HSPH1: variants seen among roughly 807,000 people sequenced by gnomAD.
HSPH1 encodes the protein heat shock protein family H (Hsp110) member 1.
In HSPH1, 40 loss-of-function variants were observed where a neutral mutation model predicts 100.0. That is an observed-to-expected ratio of 0.40 (90% CI 0.31 to 0.52). HSPH1 has a LOEUF of 0.52. Ranked by LOEUF, HSPH1 falls within the 20% of genes least tolerant of loss-of-function variation. HSPH1 has a pLI of 0.54. For missense variants in HSPH1, 876 were observed against 1,015.1 expected, an observed-to-expected ratio of 0.86 and a Z score of 1.86; for synonymous variants, 403 against 344.0, an observed-to-expected ratio of 1.17 and a Z score of -1.90.
In HSPH1 at chr13:31,161,867, CG is replaced by C; in HGVS notation, c.-286del. On this transcript the variant is annotated 5_prime_UTR_variant, in exon 1 of 18. Coordinates refer to ENST00000320027, the MANE Select transcript of HSPH1 (RefSeq NM_006644.4). ...TCGGGTTGCCTGCCTCACTCTGCCGCGGCTCGCACACCGGCGCCGGCGCTGA... is the reference window on the plus strand; with the variant it reads ...TCGGGTTGCCTGCCTCACTCTGCCGCGCTCGCACACCGGCGCCGGCGCTGA... The C allele has an allele frequency of 6.7e-7, 1 of 1,484,084 alleles. No homozygotes were observed. Among genetic ancestry groups the C allele is most frequent in the Non-Finnish European group, 8.9e-7 (1 of 1,118,942 alleles). The allele number at this position is 1,484,084 out of a possible 1,614,324, so 91.9% of individuals were successfully genotyped here.
At chr13:31,159,677 T>C (rs1255356318) in intron 1 of HSPH1, among the ~76,000 whole-genome samples, 1 of 152,086 alleles carries the variant, frequency 6.6e-6, no homozygotes, top group Admixed American at 6.5e-5. Flanking sequence ...ATAATCTAAT[T>C]TTGGGTGAGT....
At chr13:31,161,425 C>A in intron 1 of HSPH1, 51 bp downstream of exon 1, 1 of 1,602,380 alleles carries the variant, frequency 6.2e-7, no homozygotes, top group Non-Finnish European at 8.5e-7. Context: ...TGGGTCCCCA[C>A]ACTAAGGGCC....
Position 31,139,080 on chromosome 13 carries a change from T to A in HSPH1, c.2008A>T (p.Thr670Ser). ...QDHQNFLRLL[T>S]ETEDWLYEEG... is the part of the protein sequence containing the mutation. Reference sequence around the variant, plus strand: ...TCATACAGCCAGTCTTCAGTTTCTGTGAGGAGTCTCAAAAAATTTTGATGA... The same window carrying A: ...TCATACAGCCAGTCTTCAGTTTCTGAGAGGAGTCTCAAAAAATTTTGATGA... The change falls in exon 15 of 18, where the codon ACA becomes TCA. Residue 670 changes from threonine (T) to serine (S), a missense_variant. Physicochemically the swap from Thr to Ser is moderately conservative, Grantham distance 58 (BLOSUM62 1). Coordinates refer to ENST00000320027, the MANE Select transcript of HSPH1 (RefSeq NM_006644.4). 1 of 1,612,416 alleles carries A rather than the reference T, an allele frequency of 6.2e-7. No individual in the cohort carries two copies. The highest frequency in any genetic ancestry group is 1.7e-4 in the Middle Eastern group (1 of 6,042).
At position 31,136,141 on chromosome 13, in the gene HSPH1, T is replaced by C. The variant is rs895580599; in HGVS notation, c.*1177A>G. The C allele has an allele frequency of 5.3e-5, 8 of 152,200 alleles. No homozygotes were observed. The highest frequency in any genetic ancestry group is 1.9e-4 in the African/African-American group (8 of 41,440). 9.4% of individuals were successfully genotyped at this position (152,200 alleles called of 1,614,324 possible). A position where few individuals can be genotyped will look rare whatever the true frequency, so the allele number is the denominator to read the frequency against. ...GTGCTTACAAAACAACCAGATAGATTCATTGCAGCATTATTTAGAACAGCA... is the reference window on the plus strand; with the variant it reads ...GTGCTTACAAAACAACCAGATAGATCCATTGCAGCATTATTTAGAACAGCA... On this transcript the variant is annotated 3_prime_UTR_variant, in exon 18 of 18. Transcript: ENST00000320027.
rs1472449580 is a variant in HSPH1 at position 31,136,927 on chromosome 13, T to C, written c.*391A>G. The C allele has an allele frequency of 9.8e-6, 3 of 304,648 alleles. No homozygotes were observed. Among genetic ancestry groups the C allele is most frequent in the African/African-American group, 4.6e-5 (2 of 43,400 alleles). The allele number at this position is 304,648 out of a possible 1,614,324, so 18.9% of individuals were successfully genotyped here. ...TTATAAACATCCACACCCACACACA[T>C]GCTGAATGGAGAGCAAAATGCAAGA... is the stretch of plus-strand genomic sequence containing the variant. On this transcript the variant is annotated 3_prime_UTR_variant, in exon 18 of 18. Coordinates refer to ENST00000320027, the MANE Select transcript of HSPH1 (RefSeq NM_006644.4).
chr13:31,158,746 G>T, intron 2 of HSPH1, 60 bp downstream of exon 2: 1 of 1,065,432 alleles, frequency 9.4e-7, no homozygotes, highest in Non-Finnish European at 1.5e-6. Flanking sequence ...TGTCTCTTGA[G>T]ATTTTCCTTT....
chr13:31,140,154 T>C, intron 14 of HSPH1, 30 bp downstream of exon 14: 1 of 1,591,724 alleles, frequency 6.3e-7, no homozygotes, highest in Non-Finnish European at 8.6e-7. Context: ...TATGAGACTA[T>C]CTGAACAAAA....
At chr13:31,151,921 C>G in intron 5 of HSPH1, 179 bp from the exon 6 acceptor site, 1 of 570,870 alleles carries the variant, frequency 1.8e-6, no homozygotes, top group Non-Finnish European at 3.1e-6. Context: ...TTATTACTCT[C>G]TTTCTGATTT....
At chr13:31,154,960 A>T (rs578213966) in intron 3 of HSPH1, among the ~76,000 whole-genome samples, 1 of 152,182 alleles carries the variant, frequency 6.6e-6, no homozygotes, top group South Asian at 2.1e-4. Context: ...AAAAAGAAAA[A>T]GGAAGAAAGA....
rs1385919223 is a variant in HSPH1 at position 31,161,720 on chromosome 13, G to C, written c.-138C>G. The C allele has an allele frequency of 3.9e-6, 6 of 1,535,762 alleles. No homozygotes were observed. The highest frequency in any genetic ancestry group is 4.4e-6 in the Non-Finnish European group (5 of 1,147,146). On this transcript the variant is annotated 5_prime_UTR_variant, in exon 1 of 18. Transcript: ENST00000320027. ...GGTCTGGCCGTTCCTCTGACACTCA[G>C]AAGGACACACAGACAGCCGCGGCCT...
Position 31,136,408 on chromosome 13 carries a change from G to T in HSPH1, c.*910C>A, listed in dbSNP as rs1955884688. 1 of 151,884 alleles carries T rather than the reference G, an allele frequency of 6.6e-6. No homozygotes were observed. The highest frequency in any genetic ancestry group is 2.1e-4 in the South Asian group (1 of 4,806). 9.4% of individuals were successfully genotyped at this position (151,884 alleles called of 1,614,324 possible). On this transcript the variant is annotated 3_prime_UTR_variant, in exon 18 of 18. Transcript: ENST00000320027. ...GAAGTGTTAACAATGTTTTCTTCTG[G>T]GTGGCAAGATTTTAAGTTTTATTCA... is the stretch of plus-strand genomic sequence containing the variant.
rs1211184373 is a variant in HSPH1, at chr13:31,138,764, CA to C, written c.2208+16del. ...TCTAGGTTAACTTCCTCCCTATGTA[CA>C]AAAAGACTGACTCACCTTATTTCTG... On this transcript the variant is annotated intron_variant, in intron 16 of 17. Coordinates refer to ENST00000320027, the MANE Select transcript of HSPH1 (RefSeq NM_006644.4). The C allele has an allele frequency of 6.3e-7, 1 of 1,596,840 alleles. No homozygotes were observed. Among genetic ancestry groups the C allele is most frequent in the South Asian group, 1.2e-5 (1 of 86,036 alleles).
chr13:31,155,541 T>C lies in HSPH1; in HGVS notation c.279A>G (p.Pro93=), dbSNP rs746171099. 5.0e-6 allele frequency: 8 copies of C among 1,611,150 alleles called. No individual in the cohort carries two copies. Among genetic ancestry groups the C allele is most frequent in the Non-Finnish European group, 6.8e-6 (8 of 1,178,520 alleles). ...EKENLSYDLV[P]LKNGGVGIKV... is the part of the protein sequence containing the mutation. Reference sequence around the variant, plus strand: ...TTATTCCAACTCCACCATTTTTCAATGGAACCAAATCGTAACTCAAGTTTT... The same window carrying C: ...TTATTCCAACTCCACCATTTTTCAACGGAACCAAATCGTAACTCAAGTTTT... The change falls in exon 3 of 18, where the codon CCA becomes CCG. Residue 93 remains proline, a synonymous_variant. Transcript: ENST00000320027.
chr13:31,139,142 G>T, intron 14 of HSPH1, 35 bp from the exon 15 acceptor site: 3 of 1,284,260 alleles, frequency 2.3e-6, no homozygotes, highest in Non-Finnish European at 3.4e-6. Context: ...AGTGGCACTC[G>T]TACTTCAGAA....
chr13:31,144,803 C>G (rs960251952), intron 11 of HSPH1, among the ~76,000 whole-genome samples: 4 of 152,070 alleles, frequency 2.6e-5, no homozygotes, highest in African/African-American at 9.7e-5. Context: ...TCATTTAACC[C>G]ATTACTGTAC....
At position 31,138,482 on chromosome 13, in the gene HSPH1, G is replaced by T; in HGVS notation, c.2295C>A (p.Val765=). ...VNEVMEWMNN[V]MNAQAKKSLD... is the part of the protein sequence containing the mutation. ...GACTCTTTTTAGCCTGAGCATTCATGACATTATTCATCCATTCCATCACTT... is the reference window on the plus strand; with the variant it reads ...GACTCTTTTTAGCCTGAGCATTCATTACATTATTCATCCATTCCATCACTT... The change falls in exon 17 of 18, where the codon GTC becomes GTA. Residue 765 remains valine (V), a synonymous_variant. Transcript: ENST00000320027. 1.2e-6 allele frequency: 2 copies of T among 1,613,078 alleles called. No individual in the cohort carries two copies. Among genetic ancestry groups the T allele is most frequent in the Admixed American group, 1.7e-5 (1 of 59,962 alleles).
intron 11 of HSPH1, 53 bp from the exon 12 acceptor site, chr13:31,143,976 A>C (rs1956187632): frequency 2.1e-6 from 3 of 1,429,986 alleles, no homozygotes; most frequent in Non-Finnish European, 2.8e-6. Context: ...TACTTGTATA[A>C]ATTTTTAAAG....
intron 3 of HSPH1, among the ~76,000 whole-genome samples, chr13:31,155,057 A>C (rs1956632544): frequency 1.3e-5 from 2 of 152,244 alleles, no homozygotes; most frequent in Admixed American, 6.5e-5. Context: ...TAAAGAAGGT[A>C]GTAAATTTCC....
chr13:31,143,707 G>C, intron 12 of HSPH1, 85 bp downstream of exon 12: 1 of 1,177,612 alleles, frequency 8.5e-7, no homozygotes, highest in Non-Finnish European at 1.1e-6. Context: ...ATTGGTGCTT[G>C]CTCTTGAAAC....
Sources: allele counts gnomAD v4.1 joint callset (sites outside exome capture counted in the v4.1 genomes callset), GRCh38; gene constraint gnomAD v4.1.1; transcripts MANE v1.5; gene names NCBI Gene and HGNC (gene_info 2026-07-23, HGNC 2026-07-21).